STAC3: variants seen among roughly 807,000 people sequenced by gnomAD.
STAC3 encodes the protein SH3 and cysteine rich domain 3.
In STAC3, 30 loss-of-function variants were observed where a neutral mutation model predicts 48.5. That is an observed-to-expected ratio of 0.62 (90% confidence interval 0.46 to 0.84). STAC3 has a LOEUF of 0.84. Among genes scored for constraint, STAC3 ranks in the 40% least tolerant of loss-of-function variants. STAC3 has a pLI of 0.00. For missense variants in STAC3, 419 were observed against 462.6 expected, an observed-to-expected ratio of 0.91 and a Z score of 0.86; for synonymous variants, 144 against 158.6, an observed-to-expected ratio of 0.91 and a Z score of 0.69.
rs1172202734 is a variant in STAC3, at chr12:57,251,167, C to T, written c.-176G>A. Reference sequence around the variant, plus strand: ...ATTTGTAGACCTCCTAGCCTCCTGCCTTGGTGTCAGGGCTGAAATGACAGG... The same window carrying T: ...ATTTGTAGACCTCCTAGCCTCCTGCTTTGGTGTCAGGGCTGAAATGACAGG... On this transcript the variant is annotated 5_prime_UTR_variant, in exon 1 of 12. Coordinates refer to ENST00000332782, the MANE Select transcript of STAC3 (RefSeq NM_145064.3). The T allele has an allele frequency of 2.2e-6, 1 of 455,554 alleles. No individual in the cohort carries two copies. The highest frequency in any genetic ancestry group is 2.4e-5 in the Admixed American group (1 of 42,544). 28.2% of individuals were successfully genotyped at this position (455,554 alleles called of 1,614,324 possible). A position where few individuals can be genotyped will look rare whatever the true frequency, so the allele number is the denominator to read the frequency against.
At chr12:57,248,479 C>T (rs778635311) in intron 4 of STAC3, 70 of 568,290 alleles carry the variant, frequency 1.2e-4, no homozygotes, top group Non-Finnish European at 2.0e-4. Flanking sequence ...CCCGAGTTTA[C>T]GCCATTCTCC....
Position 57,243,700 on chromosome 12 carries a change from T to C in STAC3, c.*112A>G, listed in dbSNP as rs1267840544. On this transcript the variant is annotated 3_prime_UTR_variant, in exon 12 of 12. Coordinates refer to ENST00000332782, the MANE Select transcript of STAC3 (RefSeq NM_145064.3). Reference sequence around the variant, plus strand: ...AAGCCCCGTCGCGCTCAGGCGGGCCTTCCTACCCCTCCTCTCCCAGCAGTC... The same window carrying C: ...AAGCCCCGTCGCGCTCAGGCGGGCCCTCCTACCCCTCCTCTCCCAGCAGTC... 2 of 1,040,210 alleles carry C rather than the reference T, an allele frequency of 1.9e-6. No homozygotes were observed. The highest frequency in any genetic ancestry group is 3.2e-5 in the African/African-American group (2 of 63,488). The allele number at this position is 1,040,210 out of a possible 1,614,324, so 64.4% of individuals were successfully genotyped here. A position where few individuals can be genotyped will look rare whatever the true frequency, so the allele number is the denominator to read the frequency against.
chr12:57,245,153 G>T lies in STAC3; in HGVS notation c.662C>A (p.Pro221His), dbSNP rs760547303. 2 of 1,614,096 alleles carry T rather than the reference G, an allele frequency of 1.2e-6. No individual in the cohort carries two copies. Among genetic ancestry groups the T allele is most frequent in the East Asian group, 4.5e-5 (2 of 44,874 alleles). Residue 221 changes from proline (P) to histidine (H), a missense_variant, in exon 7 of 12, where the codon CCC (proline) becomes CAC (histidine). By Grantham distance (77) the Pro-to-His change is moderately conservative. Transcript: ENST00000332782. ...PESARPEEGK[P>H]QDGNPEGDKK... ...AGGTGGGTAACACTCACCATCCTGG[G>T]GTTTGCCTTCCTCTGGTCTGGCCGA...
intron 4 of STAC3, 54 bp downstream of exon 4, chr12:57,248,652 C>G (rs1023359083): frequency 1.4e-6 from 2 of 1,417,024 alleles, no homozygotes; most frequent in African/African-American, 2.8e-5. Flanking sequence ...GGATTACAGG[C>G]GTGAGCCACC....
chr12:57,244,395 A>C, intron 9 of STAC3, 29 bp from the exon 10 acceptor site: 1 of 1,613,916 alleles, frequency 6.2e-7, no homozygotes, highest in Non-Finnish European at 8.5e-7. Flanking sequence ...GGCCTCACTC[A>C]CATAGCAGGT....
rs749630394 is a variant in STAC3, at chr12:57,244,565, C to A, written c.778G>T (p.Ala260Ser). 1 of 1,614,248 alleles carries A rather than the reference C, an allele frequency of 6.2e-7. No individual in the cohort carries two copies. Among genetic ancestry groups the A allele is most frequent in the Non-Finnish European group, 8.5e-7 (1 of 1,180,044 alleles). The part of the protein sequence containing the change: ...HYFVALYRFK[A>S]LEKDDLDFPP... The stretch of plus-strand genomic sequence containing the variant: ...AAATCCAGATCGTCCTTCTCCAGGG[C>A]TTTGAACCGATAGAGAGCCACAAAG... The change falls in exon 9 of 12, where the codon GCC becomes TCC. Residue 260 changes from alanine to serine, a missense_variant. By Grantham distance (99) the Ala-to-Ser change is moderately conservative. Transcript: ENST00000332782.
chr12:57,249,333 C>T (rs1468019176), intron 2 of STAC3, 25 bp from the exon 3 acceptor site: 1 of 1,552,348 alleles, frequency 6.4e-7, no homozygotes, highest in Non-Finnish European at 8.7e-7. Flanking sequence ...GAAGAAAACC[C>T]AATGTTAAAA....
chr12:57,243,646 G>A lies in STAC3; in HGVS notation c.*166C>T. The A allele has an allele frequency of 1.4e-6, 1 of 735,806 alleles. No homozygotes were observed. The highest frequency in any genetic ancestry group is 2.7e-5 in the East Asian group (1 of 37,298). The allele number at this position is 735,806 out of a possible 1,614,324, so 45.6% of individuals were successfully genotyped here. On this transcript the variant is annotated 3_prime_UTR_variant, in exon 12 of 12. Transcript: ENST00000332782. The stretch of plus-strand genomic sequence containing the variant: ...CAGGTATCCGAGGCCCCAGGCTGGG[G>A]AAGGGGGCGAGAACCAGTCCCTTCC...
At position 57,243,673 on chromosome 12, in the gene STAC3, G is replaced by C. The variant is rs1383029888; in HGVS notation, c.*139C>G. The stretch of plus-strand genomic sequence containing the variant: ...AGGGGGCGAGAACCAGTCCCTTCCC[G>C]GAAGCCCCGTCGCGCTCAGGCGGGC... On this transcript the variant is annotated 3_prime_UTR_variant, in exon 12 of 12. Coordinates refer to ENST00000332782, the MANE Select transcript of STAC3 (RefSeq NM_145064.3). The C allele has an allele frequency of 1.2e-6, 1 of 809,378 alleles. No homozygotes were observed. The highest frequency in any genetic ancestry group is 1.7e-5 in the African/African-American group (1 of 59,116). 50.1% of individuals were successfully genotyped at this position (809,378 alleles called of 1,614,324 possible).
chr12:57,245,044 C>G, intron 7 of STAC3, 79 bp from the exon 8 acceptor site: 5 of 1,600,574 alleles, frequency 3.1e-6, no homozygotes, highest in Non-Finnish European at 4.3e-6. Flanking sequence ...GGAAGGGCCT[C>G]GTCTATCCAA....
intron 6 of STAC3, 128 bp from the exon 7 acceptor site, chr12:57,245,339 G>A: frequency 2.5e-6 from 2 of 808,402 alleles, no homozygotes; most frequent in East Asian, 2.7e-5. Context: ...GGCCTTGGAG[G>A]AAATATCTAG....
intron 5 of STAC3, 135 bp from the exon 6 acceptor site, chr12:57,247,036 G>A (rs1368567019): frequency 1.3e-6 from 1 of 747,034 alleles, no homozygotes; most frequent in Non-Finnish European, 2.3e-6. Flanking sequence ...CCGCGGGGAA[G>A]ATTAGGGAAG....
intron 11 of STAC3, 57 bp from the exon 12 acceptor site, chr12:57,243,967 A>T: frequency 6.2e-7 from 1 of 1,607,528 alleles, no homozygotes; most frequent in Non-Finnish European, 8.5e-7. Flanking sequence ...GTAGGAGAGG[A>T]CAGCAGGGGA....
In STAC3 at chr12:57,245,135, T is replaced by TA. The variant is rs1430946636; in HGVS notation, c.670+9dup. Reference sequence around the variant, plus strand: ...TACTCCATCTCTGGATGGAGGTGGGTAACACTCACCATCCTGGGGTTTGCC... The same window carrying TA: ...TACTCCATCTCTGGATGGAGGTGGGTAAACACTCACCATCCTGGGGTTTGCC... On this transcript the variant is annotated intron_variant, in intron 7 of 11. Coordinates refer to ENST00000332782, the MANE Select transcript of STAC3 (RefSeq NM_145064.3). The TA allele has an allele frequency of 1.2e-6, 2 of 1,613,852 alleles. No individual in the cohort carries two copies. Among genetic ancestry groups the TA allele is most frequent in the East Asian group, 4.5e-5 (2 of 44,864 alleles).
At chr12:57,250,005 C>G (rs1008242128) in intron 1 of STAC3, among the ~76,000 whole-genome samples, 14 of 152,142 alleles carry the variant, frequency 9.2e-5, no homozygotes, top group African/African-American at 3.4e-4. Context: ...TTCAACCTCC[C>G]AAATTGTTGA....
In STAC3 at chr12:57,244,112, C is replaced by A; in HGVS notation, c.972G>T (p.Gly324=). The A allele has an allele frequency of 1.9e-6, 3 of 1,614,136 alleles. No individual in the cohort carries two copies. In the East Asian group the frequency reaches 6.7e-5, roughly 36 times the overall value. Reference sequence around the variant, plus strand: ...CCTGGTCCTTCTTGAGAGTGATCTGCCCTATCTCGCGGTTCCCCACGAAGG... The same window carrying A: ...CCTGGTCCTTCTTGAGAGTGATCTGACCTATCTCGCGGTTCCCCACGAAGG... ...TRSFVGNREI[G]QITLKKDQIV... is the part of the protein sequence containing the mutation. The change falls in exon 11 of 12, where the codon GGG becomes GGT. Residue 324 remains glycine (G), a synonymous_variant. Coordinates refer to ENST00000332782, the MANE Select transcript of STAC3 (RefSeq NM_145064.3).
rs1420535464 is a variant in STAC3, at chr12:57,251,055, TG to T, written c.-65del. ...GGAGCTGGGAGCCTCGAGGCCTTGA[TG>T]GTGGTGCTGGGGAAAAACTGGTCCT... On this transcript the variant is annotated 5_prime_UTR_variant, in exon 1 of 12. Coordinates refer to ENST00000332782, the MANE Select transcript of STAC3 (RefSeq NM_145064.3). 1 of 429,634 alleles carries T rather than the reference TG, an allele frequency of 2.3e-6. No homozygotes were observed. The highest frequency in any genetic ancestry group is 4.7e-6 in the Non-Finnish European group (1 of 211,242). The allele number at this position is 429,634 out of a possible 1,614,324, so 26.6% of individuals were successfully genotyped here.
intron 1 of STAC3, among the ~76,000 whole-genome samples, chr12:57,250,548 A>G (rs1382874677): frequency 2.0e-5 from 3 of 152,036 alleles, no homozygotes; most frequent in Non-Finnish European, 4.4e-5. Flanking sequence ...ATTTTCCTAT[A>G]GGTACTTTGT....
chr12:57,246,855 C>G lies in STAC3; in HGVS notation c.552G>C (p.Gly184=). 1 of 1,613,982 alleles carries G rather than the reference C, an allele frequency of 6.2e-7. No individual in the cohort carries two copies. Among genetic ancestry groups the G allele is most frequent in the Non-Finnish European group, 8.5e-7 (1 of 1,179,912 alleles). The change falls in exon 6 of 12, where the codon GGG becomes GGC. Residue 184 remains glycine (G), a synonymous_variant. Transcript: ENST00000332782. ...NDPVFETLRT[G]VIMANKERKK... ...TCCGTTCCTTGTTTGCCATGATCAC[C>G]CCAGTGCGCAGGGTTTCAAACACAG...
Sources: allele counts gnomAD v4.1 joint callset (sites outside exome capture counted in the v4.1 genomes callset), GRCh38; gene constraint gnomAD v4.1.1; transcripts MANE v1.5; gene names NCBI Gene and HGNC (gene_info 2026-07-23, HGNC 2026-07-21).